The following CPEB1 variants were observed in gnomAD, a reference collection of about 807,000 sequenced individuals.
The protein encoded by CPEB1 is cytoplasmic polyadenylation element-binding protein 1.
A neutral mutation model predicts 65.8 loss-of-function variants in CPEB1; 7 were observed. The ratio of observed to expected loss-of-function variants is 0.11; its 90% confidence interval spans 0.06 to 0.20. The LOEUF (loss-of-function observed/expected upper bound fraction) is 0.20, where lower values mean the gene tolerates loss of function less well. Ranked by LOEUF, CPEB1 falls within the 10% of genes least tolerant of loss-of-function variation. The pLI, the probability that CPEB1 is intolerant of heterozygous loss-of-function variation, is 1.00. For synonymous variants in CPEB1, 262 were observed against 260.0 expected (o/e 1.01, Z -0.08); for missense variants, 551 against 712.2 (o/e 0.77, Z 2.58).
intron 3 of CPEB1, among the ~76,000 whole-genome samples, chr15:82,623,182 C>G (rs998785271): frequency 1.3e-5 from 2 of 152,208 alleles, no homozygotes; most frequent in African/African-American, 4.8e-5. Context: ...ATTTCAAATG[C>G]TGCTTTAACC....
intron 1 of CPEB1, chr15:82,630,176 C>CT (rs1433586551): frequency 1.1e-6 from 1 of 896,820 alleles, no homozygotes. Context: ...GGCTCAAGTG[C>CT]TCCTCCCACC....
intron 4 of CPEB1, among the ~76,000 whole-genome samples, chr15:82,568,272 C>T (rs2039467797): frequency 6.6e-6 from 1 of 152,140 alleles, no homozygotes; most frequent in African/African-American, 2.4e-5. Context: ...GGTTATTAGT[C>T]ACTCCATGCC....
intron 4 of CPEB1, among the ~76,000 whole-genome samples, chr15:82,562,889 T>C (rs1596024515): frequency 6.7e-6 from 1 of 148,240 alleles, no homozygotes. Flanking sequence ...CACACTAAAA[T>C]GGTAAATACT....
At chr15:82,569,216 C>T (rs147558856) in intron 4 of CPEB1, among the ~76,000 whole-genome samples, 48 of 152,252 alleles carry the variant, frequency 3.2e-4, no homozygotes, top group Admixed American at 6.5e-4. Flanking sequence ...GGGCTGCATC[C>T]TACTCCAGGA....
At chr15:82,591,597 A>G (rs1432718731) in intron 3 of CPEB1, among the ~76,000 whole-genome samples, 1 of 151,914 alleles carries the variant, frequency 6.6e-6, no homozygotes, top group Non-Finnish European at 1.5e-5. Context: ...TCAGTTATAA[A>G]GCTTTTTTCA....
chr15:82,592,266 A>C (rs1032042729), intron 3 of CPEB1, among the ~76,000 whole-genome samples: 3 of 152,196 alleles, frequency 2.0e-5, no homozygotes, highest in Admixed American at 1.3e-4. Flanking sequence ...ATAGAGTCAC[A>C]ACCTTTTTGG....
intron 4 of CPEB1, among the ~76,000 whole-genome samples, chr15:82,569,442 G>A (rs545678244): frequency 2.8e-4 from 43 of 152,286 alleles, no homozygotes; most frequent in Non-Finnish European, 4.0e-4. Flanking sequence ...GAATTCTGAG[G>A]CTCAGGCTGC....
At position 82,627,398 on chromosome 15, in the gene CPEB1, T is replaced by C. The variant is rs551177350; in HGVS notation, c.97-31A>G. 3 of 1,551,406 alleles carry C rather than the reference T, an allele frequency of 1.9e-6. No homozygotes were observed. The East Asian group carries it at 6.8e-5, about 35-fold the overall frequency. ...CACAGAAAAAAAAAGATATTTAGGT[T>C]TTCTACACTCCTTTATGACCCCCTT... On this transcript the variant is annotated intron_variant, in intron 2 of 12. Coordinates refer to ENST00000684509, the MANE Select transcript of CPEB1 (RefSeq NM_001365242.1).
chr15:82,567,142 G>A lies in CPEB1; in HGVS notation c.460+4202C>T, dbSNP rs1302071176. Among the ~76,000 whole-genome samples, 10 of 152,292 alleles carry A rather than the reference G, an allele frequency of 6.6e-5. No individual in the cohort carries two copies. In the East Asian group the frequency reaches 1.5e-3, roughly 24 times the overall value. The stretch of plus-strand genomic sequence containing the variant: ...GATTTACAAGAGACCTGGTTGGGCC[G>A]AGGAAGTCCATGTTCCACATAAGAG... On this transcript the variant is annotated intron_variant, in intron 4 of 12. Coordinates refer to ENST00000684509, the MANE Select transcript of CPEB1 (RefSeq NM_001365242.1).
intron 3 of CPEB1, among the ~76,000 whole-genome samples, chr15:82,580,799 T>C (rs2041211210): frequency 6.6e-6 from 1 of 152,186 alleles, no homozygotes; most frequent in Non-Finnish European, 1.5e-5. Flanking sequence ...CTTATTTTAC[T>C]TAGCATAATG....
chr15:82,560,404 T>G (rs1370246213), intron 4 of CPEB1, among the ~76,000 whole-genome samples: 1 of 150,986 alleles, frequency 6.6e-6, no homozygotes, highest in East Asian at 1.9e-4. Context: ...TCATTTGTTT[T>G]TTTTTTTTTT....
intron 3 of CPEB1, among the ~76,000 whole-genome samples, chr15:82,579,143 A>G (rs1042775422): frequency 2.0e-5 from 3 of 152,168 alleles, no homozygotes; most frequent in African/African-American, 4.8e-5. Context: ...ATGAGATTTT[A>G]AAAGACCTCA....
intron 3 of CPEB1, among the ~76,000 whole-genome samples, chr15:82,579,885 G>A (rs1290010803): frequency 8.8e-6 from 1 of 114,234 alleles, no homozygotes. Context: ...GCAGTCTGCA[G>A]TCCGGCCTGG....
intron 3 of CPEB1, among the ~76,000 whole-genome samples, chr15:82,613,695 G>C (rs186980823): frequency 1.6e-3 from 244 of 152,282 alleles, no homozygotes; most frequent in Non-Finnish European, 2.7e-3. Context: ...GGCAAAGTCT[G>C]AAAAGAACTT....
chr15:82,623,061 C>T (rs758561865), intron 3 of CPEB1, among the ~76,000 whole-genome samples: 9 of 152,208 alleles, frequency 5.9e-5, no homozygotes, highest in Non-Finnish European at 1.3e-4. Flanking sequence ...CATTTAACAG[C>T]TCTTTAGTCT....
chr15:82,597,924 G>A (rs1422520692), intron 3 of CPEB1, among the ~76,000 whole-genome samples: 1 of 152,180 alleles, frequency 6.6e-6, no homozygotes, highest in Non-Finnish European at 1.5e-5. Context: ...TACAAAGCTT[G>A]AGAGGTGTAT....
intron 3 of CPEB1, among the ~76,000 whole-genome samples, chr15:82,612,690 C>T (rs887114514): frequency 2.6e-5 from 4 of 151,644 alleles, no homozygotes; most frequent in Non-Finnish European, 5.9e-5. Context: ...CAAAAATTAG[C>T]TGGGCAGGTG....
chr15:82,552,752 G>C, intron 8 of CPEB1, 136 bp from the exon 9 acceptor site: 1 of 938,084 alleles, frequency 1.1e-6, no homozygotes, highest in East Asian at 2.5e-5. Context: ...CTCCTGAAAA[G>C]TCGTGTTGAG....
chr15:82,583,835 T>C (rs774996654), intron 3 of CPEB1, among the ~76,000 whole-genome samples: 1 of 152,128 alleles, frequency 6.6e-6, no homozygotes, highest in Non-Finnish European at 1.5e-5. Context: ...AGTAATAATA[T>C]TGAAATAGTA....
Sources: allele counts gnomAD v4.1 joint callset (sites outside exome capture counted in the v4.1 genomes callset), GRCh38; gene constraint gnomAD v4.1.1; transcripts MANE v1.5; gene names NCBI Gene and HGNC (gene_info 2026-07-23, HGNC 2026-07-21).